Variants in PATJ observed in about 807,000 individuals in gnomAD.
The protein encoded by PATJ is PATJ crumbs cell polarity complex component.
In PATJ, 190 loss-of-function variants were observed where a neutral mutation model predicts 224.9. The ratio of observed to expected loss-of-function variants is 0.84; its 90% CI spans 0.75 to 0.95. The LOEUF (loss-of-function observed/expected upper bound fraction) is 0.95. Among genes scored for constraint, PATJ ranks in the 40% least tolerant of loss-of-function variants. PATJ has a pLI of 0.00. For synonymous variants in PATJ, 769 were observed against 820.3 expected (o/e 0.94, Z 1.07); for missense variants, 2,121 against 2,270.3 (o/e 0.93, Z 1.34).
In PATJ at chr1:61,767,678, C is replaced by CTT. The variant is rs1163770714; in HGVS notation, c.384+1220_384+1221dup. Among the ~76,000 whole-genome samples, 238 of 134,946 alleles carry CTT rather than the reference C, an allele frequency of 1.8e-3. 1 individual carries two copies. Among genetic ancestry groups the CTT allele is most frequent in the Non-Finnish European group, 2.3e-3 (146 of 63,292 alleles). 88.5% of individuals were successfully genotyped at this position (134,946 alleles called of 152,430 possible). On this transcript the variant is annotated intron_variant, in intron 4 of 43. Coordinates refer to ENST00000642238, the MANE Select transcript of PATJ (RefSeq NM_001350145.3). Reference sequence around the variant, plus strand: ...CCCTTTCTTTCTTTCCTTTTCTTTTCTTTTTTTTTTTTTTTTGAGATGAAG... The same window carrying CTT: ...CCCTTTCTTTCTTTCCTTTTCTTTTCTTTTTTTTTTTTTTTTTTGAGATGAAG...
chr1:62,000,787 G>A (rs372618145), intron 28 of PATJ, among the ~76,000 whole-genome samples: 1 of 147,394 alleles, frequency 6.8e-6, no homozygotes, highest in African/African-American at 2.6e-5. Flanking sequence ...ACTTCCCCAA[G>A]GGTTGAACTA....
Position 61,960,440 on chromosome 1 carries a change from TC to T in PATJ, c.3671-29727del, listed in dbSNP as rs200537295. Among the ~76,000 whole-genome samples the T allele has an allele frequency of 1.1e-3, 168 of 152,232 alleles. 4 individuals are homozygous for T. In the East Asian group the frequency reaches 0.028, roughly 25 times the overall value. On this transcript the variant is annotated intron_variant, in intron 27 of 43. Coordinates refer to ENST00000642238, the MANE Select transcript of PATJ (RefSeq NM_001350145.3). ...ACTTTGGGAGGCCAAGGTGGCTGGATCACCTGGGGTCAGGAGTTCGAGACCA... is the reference window on the plus strand; with the variant it reads ...ACTTTGGGAGGCCAAGGTGGCTGGATACCTGGGGTCAGGAGTTCGAGACCA...
chr1:61,744,189 C>G (rs1282160170), intron 1 of PATJ, among the ~76,000 whole-genome samples: 2 of 129,594 alleles, frequency 1.5e-5, no homozygotes, highest in Non-Finnish European at 3.1e-5. Context: ...GAGGTTGAGG[C>G]AGGGGAATTG....
At position 62,117,159 on chromosome 1, in the gene PATJ, A is replaced by G. The variant is rs775561994; in HGVS notation, c.4831A>G (p.Ile1611Val). ...TGCACAGGGACTTGTGCAGCTAGAG[A>G]TTGGAAGACTCCGAGCTGGTTCCTG... is the stretch of plus-strand genomic sequence containing the variant. ...KCAQGLVQLEIGRLRAGSWTS... is the reference protein window; with the variant it reads ...KCAQGLVQLEVGRLRAGSWTS... Residue 1611 changes from isoleucine to valine, a missense_variant, in exon 37 of 44, where the codon ATT (isoleucine) becomes GTT (valine). Physicochemically the swap from Ile to Val is conservative, Grantham distance 29. Transcript: ENST00000642238. The G allele has an allele frequency of 1.4e-5, 23 of 1,613,846 alleles. No homozygotes were observed. The Middle Eastern group carries it at 8.2e-4, about 58-fold the overall frequency.
rs184634044 is a variant in PATJ, at chr1:62,121,013, G to A, written c.4891-168G>A. 33 of 522,274 alleles carry A rather than the reference G, an allele frequency of 6.3e-5. No homozygotes were observed. The East Asian group carries it at 1.0e-3, about 16-fold the overall frequency. 32.4% of individuals were successfully genotyped at this position (522,274 alleles called of 1,614,324 possible). On this transcript the variant is annotated intron_variant, in intron 37 of 43. Coordinates refer to ENST00000642238, the MANE Select transcript of PATJ (RefSeq NM_001350145.3). ...AATGTCTAAATGGGATTGGGTTGAG[G>A]TAGTAAGAGAATAGTGTGGGTGATT...
At chr1:61,985,160 A>T (rs1644679097) in intron 27 of PATJ, among the ~76,000 whole-genome samples, 1 of 152,038 alleles carries the variant, frequency 6.6e-6, no homozygotes, top group Non-Finnish European at 1.5e-5. Context: ...AAAACTACAA[A>T]AGTTAGCTGG....
chr1:62,144,777 A>AATATATATATATATAT (rs1553280095), intron 41 of PATJ, among the ~76,000 whole-genome samples: 1 of 119,102 alleles, frequency 8.4e-6, no homozygotes, highest in East Asian at 3.5e-4. Context: ...AAAAAAAAAA[A>AATATATATATATATAT]ATATATATAT....
chr1:62,079,675 G>T (rs1448404604), intron 32 of PATJ, 108 bp downstream of exon 32: 1 of 726,844 alleles, frequency 1.4e-6, no homozygotes, highest in Admixed American at 2.3e-5. Flanking sequence ...TCTGACTCTG[G>T]ATACTTCCTC....
chr1:61,892,506 C>A (rs888417740), intron 22 of PATJ, among the ~76,000 whole-genome samples: 24 of 152,140 alleles, frequency 1.6e-4, no homozygotes, highest in African/African-American at 5.5e-4. Context: ...TCCACCCACC[C>A]CCCCAAATCT....
chr1:62,067,123 C>CTTTTTTTTTTTTTTTTTTTTTTTTTTTTT (rs11381578), intron 31 of PATJ, among the ~76,000 whole-genome samples: 14 of 116,452 alleles, frequency 1.2e-4, no homozygotes, highest in Admixed American at 2.1e-4. Flanking sequence ...CCTATTCTTT[C>CTTTTTTTTTTTTTTTTTTTTTTTTTTTTT]TTTTTTTTTT....
intron 28 of PATJ, among the ~76,000 whole-genome samples, chr1:62,007,946 A>G (rs35402181): frequency 0.23 from 34,692 of 152,084 alleles, 4,270 homozygotes; most frequent in African/African-American, 0.31. Context: ...TCAGCCCATA[A>G]CAATAGCTTC....
At chr1:61,751,263 A>G (rs549360083) in intron 1 of PATJ, among the ~76,000 whole-genome samples, 16 of 152,192 alleles carry the variant, frequency 1.1e-4, no homozygotes, top group Non-Finnish European at 2.2e-4. Context: ...GGCCTCCCAA[A>G]GTGCTGGGAG....
At chr1:62,040,298 G>A (rs948058209) in intron 30 of PATJ, among the ~76,000 whole-genome samples, 12 of 151,700 alleles carry the variant, frequency 7.9e-5, no homozygotes, top group Non-Finnish European at 1.8e-4. Flanking sequence ...TAGTAGAGAC[G>A]GGGTTTCACC....
intron 20 of PATJ, among the ~76,000 whole-genome samples, chr1:61,869,253 C>CCCG (rs1665934225): frequency 6.7e-6 from 1 of 150,114 alleles, no homozygotes; most frequent in South Asian, 2.1e-4. Flanking sequence ...ACTACAGGCG[C>CCCG]CCGCCACTAC....
chr1:62,033,364 T>C (rs1008030562), intron 29 of PATJ, among the ~76,000 whole-genome samples: 7 of 152,126 alleles, frequency 4.6e-5, no homozygotes, highest in African/African-American at 1.7e-4. Context: ...TCATGGACTC[T>C]TAAAAAAGGA....
At chr1:62,056,952 G>C (rs1654648729) in intron 31 of PATJ, among the ~76,000 whole-genome samples, 1 of 152,128 alleles carries the variant, frequency 6.6e-6, no homozygotes, top group Non-Finnish European at 1.5e-5. Flanking sequence ...TTAGCCACCT[G>C]AGTAGCTGGG....
At chr1:61,840,930 C>T (rs1388622326) in intron 17 of PATJ, among the ~76,000 whole-genome samples, 4 of 151,884 alleles carry the variant, frequency 2.6e-5, no homozygotes, top group Admixed American at 1.3e-4. Context: ...TTCTTTATTC[C>T]GATAATTCTC....
intron 7 of PATJ, among the ~76,000 whole-genome samples, chr1:61,784,432 G>C (rs1648056189): frequency 2.0e-5 from 3 of 152,190 alleles, no homozygotes; most frequent in Admixed American, 2.0e-4. Context: ...CTATCAATCT[G>C]ACTAATGACT....
intron 11 of PATJ, among the ~76,000 whole-genome samples, chr1:61,799,062 T>C (rs888549537): frequency 1.3e-5 from 2 of 152,212 alleles, no homozygotes; most frequent in African/African-American, 4.8e-5. Flanking sequence ...TTTTCTCTTT[T>C]ATGTGATAGT....
Sources: allele counts gnomAD v4.1 joint callset (sites outside exome capture counted in the v4.1 genomes callset), GRCh38; gene constraint gnomAD v4.1.1; transcripts MANE v1.5; gene names NCBI Gene and HGNC (gene_info 2026-07-23, HGNC 2026-07-21).